MEIS2: variants seen among roughly 807,000 people sequenced by gnomAD.
The protein encoded by MEIS2 is Meis homeobox 2, also known as homeobox protein Meis2.
In MEIS2, 9 loss-of-function variants were observed where a neutral mutation model predicts 58.6. That is an observed-to-expected ratio of 0.15 (90% CI 0.09 to 0.27). The LOEUF (loss-of-function observed/expected upper bound fraction) is 0.27. MEIS2 is among the 10% of genes least tolerant of loss of function. The pLI, the probability that MEIS2 is intolerant of heterozygous loss-of-function variation, is 1.00. For synonymous variants in MEIS2, 221 were observed against 228.4 expected, an observed-to-expected ratio of 0.97 and a Z score of 0.29; for missense variants, 427 against 635.0, an observed-to-expected ratio of 0.67 and a Z score of 3.52.
At chr15:36,926,714 G>T (rs1260381621) in intron 9 of MEIS2, among the ~76,000 whole-genome samples, 3 of 152,110 alleles carry the variant, frequency 2.0e-5, no homozygotes, top group Non-Finnish European at 4.4e-5. Flanking sequence ...GATCAATATT[G>T]CTTTCCTACT....
At chr15:36,993,396 C>A (rs1169626724) in intron 8 of MEIS2, among the ~76,000 whole-genome samples, 1 of 152,010 alleles carries the variant, frequency 6.6e-6, no homozygotes, top group East Asian at 1.9e-4. Context: ...CCTTTATATT[C>A]TAAATGGTAG....
chr15:36,967,589 T>C (rs2059398548), intron 8 of MEIS2, among the ~76,000 whole-genome samples: 1 of 152,202 alleles, frequency 6.6e-6, no homozygotes, highest in South Asian at 2.1e-4. Context: ...TAGCTCCATG[T>C]CACCAATAAA....
chr15:37,070,450 G>A (rs958452044), intron 7 of MEIS2, among the ~76,000 whole-genome samples: 13 of 152,084 alleles, frequency 8.5e-5, no homozygotes, highest in South Asian at 4.1e-4. Context: ...GCATAAAAGC[G>A]TTTCAATGGT....
chr15:37,004,924 T>C (rs999671623), intron 8 of MEIS2, among the ~76,000 whole-genome samples: 3 of 150,884 alleles, frequency 2.0e-5, no homozygotes, highest in African/African-American at 7.3e-5. Context: ...ACACATTGTA[T>C]GCATGTACCA....
intron 7 of MEIS2, among the ~76,000 whole-genome samples, chr15:37,067,803 C>A (rs1212119796): frequency 6.6e-6 from 1 of 152,078 alleles, no homozygotes; most frequent in Admixed American, 6.6e-5. Flanking sequence ...AAGAAAGTGT[C>A]TTGAGCTATT....
At chr15:37,034,992 A>G (rs1348227322) in intron 8 of MEIS2, among the ~76,000 whole-genome samples, 1 of 152,108 alleles carries the variant, frequency 6.6e-6, no homozygotes, top group East Asian at 1.9e-4. Context: ...GTTCTCTGAC[A>G]TTGGTTTTGA....
chr15:36,910,727 C>G (rs2056970445), intron 9 of MEIS2, among the ~76,000 whole-genome samples: 1 of 152,132 alleles, frequency 6.6e-6, no homozygotes, highest in Non-Finnish European at 1.5e-5. Flanking sequence ...CTAAAATGTG[C>G]TGTGGCTGAA....
In MEIS2 at chr15:37,043,312, A is replaced by C. The variant is rs182884448; in HGVS notation, c.755-6353T>G. On this transcript the variant is annotated intron_variant, in intron 7 of 11. Transcript: ENST00000561208. ...TCTGTCTCTTTTTGTAGCAATAAAAATTTACCATATTCATTAACATTTTCA... is the reference window on the plus strand; with the variant it reads ...TCTGTCTCTTTTTGTAGCAATAAAACTTTACCATATTCATTAACATTTTCA... Among the ~76,000 whole-genome samples the C allele has an allele frequency of 5.3e-5, 8 of 152,276 alleles. No individual in the cohort carries two copies. The East Asian group carries it at 1.5e-3, about 29-fold the overall frequency.
intron 8 of MEIS2, among the ~76,000 whole-genome samples, chr15:36,995,543 C>T (rs1412153761): frequency 1.3e-5 from 2 of 150,194 alleles, no homozygotes; most frequent in South Asian, 2.1e-4. Context: ...ATTAATTGAT[C>T]TCTGAACTCT....
At chr15:36,999,711 T>C (rs942004298) in intron 8 of MEIS2, among the ~76,000 whole-genome samples, 4 of 152,222 alleles carry the variant, frequency 2.6e-5, no homozygotes, top group African/African-American at 7.2e-5. Context: ...GCTTAGAAGA[T>C]AGTCTGTGAA....
intron 8 of MEIS2, among the ~76,000 whole-genome samples, chr15:37,006,160 T>C (rs952814242): frequency 1.2e-4 from 19 of 152,234 alleles, no homozygotes; most frequent in Admixed American, 1.2e-3. Context: ...TTTGGACCAC[T>C]GATTTTTCCA....
At chr15:36,969,443 G>A (rs2059460151) in intron 8 of MEIS2, among the ~76,000 whole-genome samples, 1 of 152,046 alleles carries the variant, frequency 6.6e-6, no homozygotes, top group African/African-American at 2.4e-5. Context: ...CTTCAAACAC[G>A]AAAGTGTTTT....
chr15:36,893,477 GCT>G (rs2055996052), intron 11 of MEIS2, among the ~76,000 whole-genome samples: 1 of 152,180 alleles, frequency 6.6e-6, no homozygotes, highest in African/African-American at 2.4e-5. Flanking sequence ...CATAGTCCCA[GCT>G]CTCTGTTTAT....
chr15:37,047,041 T>C (rs144737865), intron 7 of MEIS2, among the ~76,000 whole-genome samples: 43 of 152,260 alleles, frequency 2.8e-4, no homozygotes, highest in African/African-American at 1.0e-3. Context: ...TGGTGCAGGA[T>C]AAAAGAATGT....
chr15:37,095,969 C>G (rs551229776), intron 3 of MEIS2: 6 of 444,002 alleles, frequency 1.4e-5, no homozygotes, highest in African/African-American at 3.9e-5. Flanking sequence ...ACTCCCGGGT[C>G]CCTCACAGCC....
Position 36,895,144 on chromosome 15 carries a change from A to G in MEIS2, c.1147+7T>C. 1.2e-6 allele frequency: 2 copies of G among 1,612,346 alleles called. No individual in the cohort carries two copies. The highest frequency in any genetic ancestry group is 2.2e-5 in the South Asian group (2 of 90,998). On this transcript the variant is annotated splice_region_variant and intron_variant, in intron 11 of 11. Coordinates refer to ENST00000561208, the MANE Select transcript of MEIS2 (RefSeq NM_170675.5). ...GGGAAGCCCAGAGGCGGGATGAGCC[A>G]ACCTACCTGCAGGCCGGATCCCCAT...
intron 7 of MEIS2, among the ~76,000 whole-genome samples, chr15:37,063,613 G>T (rs1421062925): frequency 6.6e-6 from 1 of 152,150 alleles, no homozygotes; most frequent in African/African-American, 2.4e-5. Flanking sequence ...TGATAATCTT[G>T]CTATTGCTGC....
At chr15:36,963,670 C>A (rs1386767600) in intron 8 of MEIS2, among the ~76,000 whole-genome samples, 2 of 152,172 alleles carry the variant, frequency 1.3e-5, no homozygotes, top group Non-Finnish European at 2.9e-5. Context: ...ATGAATAAAC[C>A]TATCTTCATT....
At chr15:36,901,816 T>A (rs1246293307) in intron 9 of MEIS2, among the ~76,000 whole-genome samples, 2 of 152,206 alleles carry the variant, frequency 1.3e-5, no homozygotes, top group Non-Finnish European at 2.9e-5. Context: ...GGCCTTCTAC[T>A]GTCTTCTTTC....
Sources: gnomAD v4.1 joint callset for allele counts (sites outside exome capture counted in the v4.1 genomes callset) on GRCh38, gnomAD v4.1.1 for gene constraint, MANE v1.5 for transcripts, NCBI Gene and HGNC (gene_info 2026-07-23, HGNC 2026-07-21) for gene names.